Variants in FOXP1 observed in about 807,000 individuals in gnomAD.
FOXP1 encodes the protein forkhead box P1.
FOXP1 carries 15 observed loss-of-function variants against 98.2 expected under a neutral mutation model. The observed-to-expected ratio is 0.15, with a 90% CI of 0.10 to 0.24. The LOEUF is 0.24. FOXP1 is among the 10% of genes least tolerant of loss of function. The pLI, the probability that FOXP1 is intolerant of heterozygous loss-of-function variation, is 1.00. For synonymous variants in FOXP1, 371 were observed against 314.5 expected (o/e 1.18, Z -1.90); for missense variants, 633 against 848.5 (o/e 0.75, Z 3.15).
At chr3:71,044,045 A>G (rs772854953) in intron 10 of FOXP1, among the ~76,000 whole-genome samples, 13 of 152,244 alleles carry the variant, frequency 8.5e-5, no homozygotes, top group Non-Finnish European at 1.3e-4. Context: ...ACACAGAAGC[A>G]GTCAAATCGC....
chr3:71,178,518 G>A (rs1446022333), intron 6 of FOXP1, among the ~76,000 whole-genome samples: 2 of 152,168 alleles, frequency 1.3e-5, no homozygotes, highest in Non-Finnish European at 2.9e-5. Context: ...GGAGGCCAAG[G>A]CAGGTGGATC....
At chr3:71,201,556 A>T (rs2063674011) in intron 5 of FOXP1, among the ~76,000 whole-genome samples, 1 of 152,142 alleles carries the variant, frequency 6.6e-6, no homozygotes, top group African/African-American at 2.4e-5. Flanking sequence ...CTGAGGCAGG[A>T]GAACTGCTTG....
intron 5 of FOXP1, among the ~76,000 whole-genome samples, chr3:71,212,949 A>AAT (rs3033230): frequency 0.015 from 2,270 of 147,790 alleles, 39 homozygotes; most frequent in African/African-American, 0.04. Flanking sequence ...ACAAAATGGG[A>AAT]ATATATATAT....
At chr3:71,290,159 A>G (rs1576793188) in intron 5 of FOXP1, among the ~76,000 whole-genome samples, 1 of 151,924 alleles carries the variant, frequency 6.6e-6, no homozygotes, top group African/African-American at 2.4e-5. Flanking sequence ...TACCTCCCCT[A>G]CCTCCAAAAC....
At chr3:71,408,488 T>C (rs2082504645) in intron 3 of FOXP1, among the ~76,000 whole-genome samples, 2 of 152,160 alleles carry the variant, frequency 1.3e-5, no homozygotes, top group Admixed American at 6.5e-5. Flanking sequence ...CAGCAGGAAT[T>C]TGTGGATTTC....
chr3:71,331,397 T>C (rs1577008040), intron 4 of FOXP1, among the ~76,000 whole-genome samples: 1 of 115,452 alleles, frequency 8.7e-6, no homozygotes, highest in African/African-American at 3.4e-5. Context: ...CATGGGCTCC[T>C]GCGCAGCCCA....
At chr3:71,016,507 A>G (rs776446796) in intron 11 of FOXP1, among the ~76,000 whole-genome samples, 1 of 152,150 alleles carries the variant, frequency 6.6e-6, no homozygotes, top group African/African-American at 2.4e-5. Flanking sequence ...CCATAACCTT[A>G]AATTCCATCA....
intron 5 of FOXP1, among the ~76,000 whole-genome samples, chr3:71,270,166 C>T (rs1372450546): frequency 1.3e-5 from 2 of 152,118 alleles, no homozygotes; most frequent in Admixed American, 6.5e-5. Flanking sequence ...CACTTTTTCA[C>T]CAGCAAGTTG....
chr3:71,110,519 C>T (rs2057829128), intron 7 of FOXP1, among the ~76,000 whole-genome samples: 1 of 152,094 alleles, frequency 6.6e-6, no homozygotes, highest in African/African-American at 2.4e-5. Context: ...AAGAATGGAC[C>T]ATCATTTGAA....
At chr3:71,415,566 A>C (rs2083149970) in intron 3 of FOXP1, among the ~76,000 whole-genome samples, 1 of 152,198 alleles carries the variant, frequency 6.6e-6, no homozygotes, top group South Asian at 2.1e-4. Context: ...AGGCTGAGAG[A>C]CTTAAGTGGC....
chr3:71,421,506 AT>A (rs1339755154), intron 3 of FOXP1, among the ~76,000 whole-genome samples: 1 of 152,228 alleles, frequency 6.6e-6, no homozygotes, highest in Non-Finnish European at 1.5e-5. Context: ...ATAATTTGAC[AT>A]TTTTTTCAAA....
intron 20 of FOXP1, among the ~76,000 whole-genome samples, chr3:70,961,365 A>G (rs1475742702): frequency 6.6e-6 from 1 of 151,870 alleles, no homozygotes; most frequent in Non-Finnish European, 1.5e-5. Flanking sequence ...CAAGTAGCTG[A>G]GATTACAGGG....
chr3:71,213,004 C>T (rs1243916742), intron 5 of FOXP1, among the ~76,000 whole-genome samples: 1 of 151,594 alleles, frequency 6.6e-6, no homozygotes, highest in African/African-American at 2.4e-5. Flanking sequence ...ATGTAAGCCT[C>T]CTTTCGTATT....
intron 7 of FOXP1, among the ~76,000 whole-genome samples, chr3:71,104,954 G>A (rs2057299526): frequency 6.6e-6 from 1 of 152,008 alleles, no homozygotes; most frequent in East Asian, 1.9e-4. Context: ...TGACAGCTTT[G>A]TTGTAATCAT....
rs374454757 is a variant in FOXP1, at chr3:71,107,513, T to C, written c.282+5023A>G. Among the ~76,000 whole-genome samples the C allele has an allele frequency of 2.0e-4, 31 of 152,300 alleles. No individual in the cohort carries two copies. The South Asian group carries it at 6.4e-3, about 32-fold the overall frequency. The stretch of plus-strand genomic sequence containing the variant: ...TTTGGGATTCTCAAAAGTCATGTGA[T>C]AACAGTAACATCTTAAAGATATCAA... On this transcript the variant is annotated intron_variant, in intron 7 of 20. Transcript: ENST00000649528.
intron 2 of FOXP1, among the ~76,000 whole-genome samples, chr3:71,549,466 C>T (rs748095399): frequency 5.9e-5 from 9 of 152,184 alleles, no homozygotes; most frequent in Admixed American, 1.3e-4. Context: ...CCTCCACCTC[C>T]CAGGTTCAAG....
intron 3 of FOXP1, among the ~76,000 whole-genome samples, chr3:71,391,608 G>T (rs1577266702): frequency 6.6e-6 from 1 of 152,166 alleles, no homozygotes; most frequent in Admixed American, 6.5e-5. Flanking sequence ...TGGTAAACAG[G>T]CCACAAGGTT....
chr3:71,129,651 T>G (rs2059445168), intron 6 of FOXP1, among the ~76,000 whole-genome samples: 1 of 149,436 alleles, frequency 6.7e-6, no homozygotes, highest in African/African-American at 2.5e-5. Context: ...GGAAGGGGGG[T>G]GTGGAGGGAG....
chr3:71,011,343 G>GA (rs1304289572), intron 12 of FOXP1, among the ~76,000 whole-genome samples: 1 of 152,152 alleles, frequency 6.6e-6, no homozygotes, highest in Non-Finnish European at 1.5e-5. Flanking sequence ...CTCAAAGCTA[G>GA]AACACATGAC....
Sources: gnomAD v4.1 joint callset for allele counts (sites outside exome capture counted in the v4.1 genomes callset) on GRCh38, gnomAD v4.1.1 for gene constraint, MANE v1.5 for transcripts, NCBI Gene and HGNC (gene_info 2026-07-23, HGNC 2026-07-21) for gene names.